SMAD3: variants seen among roughly 807,000 people sequenced by gnomAD.
The protein encoded by SMAD3 is SMAD family member 3.
A neutral mutation model predicts 51.8 loss-of-function variants in SMAD3; 12 were observed. The ratio of observed to expected loss-of-function variants is 0.23; its 90% CI spans 0.15 to 0.38. The LOEUF (loss-of-function observed/expected upper bound fraction) is 0.38, where lower values mean the gene tolerates loss of function less well. Ranked by LOEUF, SMAD3 falls within the 10% of genes least tolerant of loss-of-function variation. The pLI is 1.00. For synonymous variants in SMAD3, 238 were observed against 227.7 expected, an observed-to-expected ratio of 1.05 and a Z score of -0.41; for missense variants, 294 against 565.6, an observed-to-expected ratio of 0.52 and a Z score of 4.87.
chr15:67,157,753 C>T (rs548793371), intron 1 of SMAD3, among the ~76,000 whole-genome samples: 30 of 152,322 alleles, frequency 2.0e-4, no homozygotes, highest in African/African-American at 7.2e-4. Context: ...TCACCTTCAC[C>T]ATCGGCTTTG....
At position 67,065,663 on chromosome 15, in the gene SMAD3, C is replaced by CAGCG. The variant is rs955256777; in HGVS notation, c.-479_-476dup. 4.0e-5 allele frequency among the ~76,000 whole-genome samples: 6 copies of CAGCG among 151,394 alleles called. No homozygotes were observed. Among genetic ancestry groups the CAGCG allele is most frequent in the South Asian group, 2.1e-4 (1 of 4,814 alleles). The stretch of plus-strand genomic sequence containing the variant: ...GGCGCACGCCCCGGGCCGGCCCAGC[C>CAGCG]AGCGAGCGAGCGAGCGGCGAGCCGG... On this transcript the variant is annotated 5_prime_UTR_variant, in exon 1 of 9. Transcript: ENST00000327367.
At chr15:67,170,490 T>A in intron 4 of SMAD3, 64 bp from the exon 5 acceptor site, 1 of 1,340,886 alleles carries the variant, frequency 7.5e-7, no homozygotes, top group Non-Finnish European at 1.1e-6. Context: ...TGTAAGTGTT[T>A]AGTAACTTGG....
intron 1 of SMAD3, among the ~76,000 whole-genome samples, chr15:67,093,016 AG>A (rs1960540867): frequency 6.6e-6 from 1 of 152,188 alleles, no homozygotes; most frequent in Non-Finnish European, 1.5e-5. Flanking sequence ...TTGAGTCAAC[AG>A]GAAGACTGGA....
At chr15:67,105,796 G>T (rs1595902030) in intron 1 of SMAD3, among the ~76,000 whole-genome samples, 1 of 152,182 alleles carries the variant, frequency 6.6e-6, no homozygotes, top group African/African-American at 2.4e-5. Flanking sequence ...GCCTCCTGTT[G>T]CCCTAGGTCA....
chr15:67,102,546 T>C (rs960640367), intron 1 of SMAD3, among the ~76,000 whole-genome samples: 11 of 152,190 alleles, frequency 7.2e-5, no homozygotes, highest in Non-Finnish European at 1.5e-4. Context: ...GGGAATTGTA[T>C]GTCCAAGGTG....
intron 8 of SMAD3, among the ~76,000 whole-genome samples, chr15:67,190,199 C>A (rs896798162): frequency 2.6e-5 from 4 of 152,106 alleles, no homozygotes; most frequent in African/African-American, 9.7e-5. Flanking sequence ...GACTTCCTTC[C>A]CCCTCAAGAG....
intron 1 of SMAD3, among the ~76,000 whole-genome samples, chr15:67,111,053 T>C (rs1003633617): frequency 6.6e-6 from 1 of 152,232 alleles, no homozygotes; most frequent in South Asian, 2.1e-4. Context: ...TTAGTGGTTT[T>C]TAGTGTATTA....
intron 3 of SMAD3, chr15:67,166,225 A>G: frequency 1.0e-6 from 1 of 995,150 alleles, no homozygotes; most frequent in Non-Finnish European, 1.2e-6. Flanking sequence ...CAAAGAGCAA[A>G]TCTTGGAGGG....
At chr15:67,115,344 G>C (rs546728243) in intron 1 of SMAD3, among the ~76,000 whole-genome samples, 17 of 152,234 alleles carry the variant, frequency 1.1e-4, no homozygotes, top group African/African-American at 4.1e-4. Context: ...GAACAGAACA[G>C]GTAGAATAGA....
intron 1 of SMAD3, among the ~76,000 whole-genome samples, chr15:67,073,362 A>G (rs760578187): frequency 1.3e-5 from 2 of 152,264 alleles, no homozygotes; most frequent in Non-Finnish European, 2.9e-5. Flanking sequence ...TAAAATGAAA[A>G]CACAGTAGAA....
chr15:67,193,838 G>C lies in SMAD3; in HGVS notation c.*3302G>C. On this transcript the variant is annotated 3_prime_UTR_variant, in exon 9 of 9. Coordinates refer to ENST00000327367, the MANE Select transcript of SMAD3 (RefSeq NM_005902.4). ...TTCCTAGAGTTTGGACATATTCCAG[G>C]CTAAATGCTTTTACTCAAGACTACA... is the stretch of plus-strand genomic sequence containing the variant. 1 of 233,172 alleles carries C rather than the reference G, an allele frequency of 4.3e-6. No individual in the cohort carries two copies. Among genetic ancestry groups the C allele is most frequent in the Non-Finnish European group, 8.5e-6 (1 of 117,770 alleles). The allele number at this position is 233,172 out of a possible 1,614,324, so 14.4% of individuals were successfully genotyped here.
At position 67,181,399 on chromosome 15, in the gene SMAD3, C is replaced by T. The variant is rs781515462; in HGVS notation, c.817C>T (p.Leu273=). The change falls in exon 6 of 9, where the codon CTG becomes TTG. Residue 273 remains leucine, a synonymous_variant. Coordinates refer to ENST00000327367, the MANE Select transcript of SMAD3 (RefSeq NM_005902.4). ...PSNSERFCLG[L]LSNVNRNAAV... ...CAATTCGGAGCGCTTCTGCCTAGGG[C>T]TGCTCTCCAATGTCAACAGGAATGC... The T allele has an allele frequency of 8.1e-6, 13 of 1,614,176 alleles. No homozygotes were observed. The South Asian group carries it at 1.4e-4, about 18-fold the overall frequency.
intron 1 of SMAD3, among the ~76,000 whole-genome samples, chr15:67,118,619 C>T (rs1961188874): frequency 6.6e-6 from 1 of 152,186 alleles, no homozygotes; most frequent in Non-Finnish European, 1.5e-5. Flanking sequence ...AGGAGGTTTT[C>T]ATCCAGCATG....
chr15:67,183,329 C>T (rs934137195), intron 6 of SMAD3, among the ~76,000 whole-genome samples: 2 of 151,966 alleles, frequency 1.3e-5, no homozygotes, highest in Admixed American at 6.6e-5. Context: ...CAGGTGTGAG[C>T]CACCATGCCC....
At chr15:67,126,153 A>G (rs1224505072) in intron 1 of SMAD3, among the ~76,000 whole-genome samples, 1 of 152,056 alleles carries the variant, frequency 6.6e-6, no homozygotes, top group Non-Finnish European at 1.5e-5. Context: ...GAATGTGCAC[A>G]GCTCACCTTC....
At chr15:67,180,205 A>G (rs1963014442) in intron 5 of SMAD3, among the ~76,000 whole-genome samples, 1 of 152,050 alleles carries the variant, frequency 6.6e-6, no homozygotes, top group Non-Finnish European at 1.5e-5. Flanking sequence ...CCTGGTCCAG[A>G]GGCTGTGGCA....
At chr15:67,176,078 G>A (rs1353939209) in intron 5 of SMAD3, among the ~76,000 whole-genome samples, 1 of 152,196 alleles carries the variant, frequency 6.6e-6, no homozygotes, top group East Asian at 1.9e-4. Flanking sequence ...GGGTCTCTGT[G>A]CAGCTTGGTT....
chr15:67,089,576 C>G (rs952484708), intron 1 of SMAD3, among the ~76,000 whole-genome samples: 1 of 152,194 alleles, frequency 6.6e-6, no homozygotes. Flanking sequence ...TTTGTCTACA[C>G]TGTGTTGCCT....
chr15:67,107,488 A>G (rs1280480290), intron 1 of SMAD3, among the ~76,000 whole-genome samples: 1 of 151,444 alleles, frequency 6.6e-6, no homozygotes, highest in East Asian at 1.9e-4. Flanking sequence ...TGCCCTCCTG[A>G]TGCAGTCTGT....
Sources: gnomAD v4.1 joint callset for allele counts (sites outside exome capture counted in the v4.1 genomes callset) on GRCh38, gnomAD v4.1.1 for gene constraint, MANE v1.5 for transcripts, NCBI Gene and HGNC (gene_info 2026-07-23, HGNC 2026-07-21) for gene names.